GABRB3: variants seen among roughly 807,000 people sequenced by gnomAD.
GABRB3 encodes gamma-aminobutyric acid type A receptor subunit beta3.
Under a neutral mutation model 52.1 loss-of-function variants are expected in GABRB3, and 14 were observed. The ratio of observed to expected loss-of-function variants is 0.27; its 90% CI spans 0.18 to 0.42. The LOEUF is 0.42. Ranked by LOEUF, GABRB3 falls within the 10% of genes least tolerant of loss-of-function variation. GABRB3 has a pLI of 1.00. For missense variants in GABRB3, 307 were observed against 609.1 expected (o/e 0.50, Z 5.22); for synonymous variants, 260 against 232.3 (o/e 1.12, Z -1.08).
chr15:26,566,741 G>T (rs541337920), intron 7 of GABRB3, among the ~76,000 whole-genome samples: 1 of 152,028 alleles, frequency 6.6e-6, no homozygotes, highest in South Asian at 2.1e-4. Flanking sequence ...CAAAAAAAAA[G>T]AACAGGAAAG....
chr15:26,694,935 C>A (rs1329997670), intron 3 of GABRB3, among the ~76,000 whole-genome samples: 1 of 152,018 alleles, frequency 6.6e-6, no homozygotes, highest in African/African-American at 2.4e-5. Context: ...TTGATGGGCC[C>A]ATCAGTAGAT....
At chr15:26,692,479 A>G (rs1452627045) in intron 3 of GABRB3, among the ~76,000 whole-genome samples, 2 of 152,214 alleles carry the variant, frequency 1.3e-5, no homozygotes, top group East Asian at 3.8e-4. Flanking sequence ...ACAATCAGTT[A>G]TAGTCCAAAA....
intron 3 of GABRB3, among the ~76,000 whole-genome samples, chr15:26,741,045 A>AGTGTGT (rs55860555): frequency 0.19 from 10,213 of 55,128 alleles, 469 homozygotes; most frequent in East Asian, 0.41. Context: ...GGGAGGAATA[A>AGTGTGT]GTGTGTGTGT....
intron 3 of GABRB3, among the ~76,000 whole-genome samples, chr15:26,634,805 A>T (rs951336089): frequency 6.6e-6 from 1 of 150,744 alleles, no homozygotes; most frequent in Non-Finnish European, 1.5e-5. Context: ...TCTGAACAAT[A>T]CTCACTAAAT....
chr15:26,772,191 C>T (rs1891166117), intron 3 of GABRB3: 1 of 477,582 alleles, frequency 2.1e-6, no homozygotes, highest in Non-Finnish European at 3.6e-6. Flanking sequence ...TGCGCCCTCG[C>T]GGCTCCGACG....
chr15:26,573,331 T>C (rs1465236307), intron 6 of GABRB3, among the ~76,000 whole-genome samples: 2 of 152,220 alleles, frequency 1.3e-5, no homozygotes, highest in Admixed American at 1.3e-4. Context: ...AGTCATCTTA[T>C]TATGTGTTGA....
chr15:26,625,729 G>C (rs1892665842), intron 3 of GABRB3, among the ~76,000 whole-genome samples: 1 of 152,098 alleles, frequency 6.6e-6, no homozygotes, highest in African/African-American at 2.4e-5. Context: ...GCTTCTCAAA[G>C]AACAGCCAAG....
chr15:26,618,203 G>T (rs1158848864), intron 4 of GABRB3, among the ~76,000 whole-genome samples: 1 of 151,906 alleles, frequency 6.6e-6, no homozygotes, highest in Non-Finnish European at 1.5e-5. Flanking sequence ...AGCCCACATC[G>T]CCAAGTCAAT....
intron 4 of GABRB3, among the ~76,000 whole-genome samples, chr15:26,605,304 C>T (rs1360787029): frequency 6.6e-6 from 1 of 152,152 alleles, no homozygotes; most frequent in South Asian, 2.1e-4. Flanking sequence ...ACCTCGAATA[C>T]TATTGGTGGG....
At chr15:26,658,082 A>G (rs1426512992) in intron 3 of GABRB3, among the ~76,000 whole-genome samples, 1 of 152,146 alleles carries the variant, frequency 6.6e-6, no homozygotes, top group Non-Finnish European at 1.5e-5. Context: ...TGTTTGTGGT[A>G]TTTTTCAGAC....
intron 6 of GABRB3, among the ~76,000 whole-genome samples, chr15:26,574,733 T>C (rs527598554): frequency 1.1e-4 from 16 of 148,334 alleles, no homozygotes; most frequent in Non-Finnish European, 2.2e-4. Flanking sequence ...TGTCTAGGGT[T>C]GGGAGAAATG....
chr15:26,652,341 G>A (rs1274492671), intron 3 of GABRB3, among the ~76,000 whole-genome samples: 1 of 152,072 alleles, frequency 6.6e-6, no homozygotes, highest in Non-Finnish European at 1.5e-5. Context: ...GTAACTTAAC[G>A]GCCTCAGGAG....
intron 3 of GABRB3, among the ~76,000 whole-genome samples, chr15:26,657,993 G>A (rs1887426512): frequency 6.6e-6 from 1 of 152,192 alleles, no homozygotes; most frequent in Non-Finnish European, 1.5e-5. Context: ...AGGGAGTCAT[G>A]CAGCCAGAGG....
intron 4 of GABRB3, among the ~76,000 whole-genome samples, chr15:26,607,819 A>G (rs1258448192): frequency 6.6e-6 from 1 of 152,092 alleles, no homozygotes; most frequent in Non-Finnish European, 1.5e-5. Flanking sequence ...ATTCACAAAA[A>G]TAAATAAAAA....
upstream of GABRB3, among the ~76,000 whole-genome samples, chr15:26,773,340 C>G (rs1324730353): frequency 1.3e-5 from 2 of 150,696 alleles, no homozygotes; most frequent in African/African-American, 2.4e-5. Context: ...CGACCTGGGC[C>G]GGACGCTGCG....
At chr15:26,592,061 G>A (rs1820686548) in intron 4 of GABRB3, among the ~76,000 whole-genome samples, 5 of 152,112 alleles carry the variant, frequency 3.3e-5, no homozygotes, top group South Asian at 2.1e-4. Context: ...GAATGTAGTT[G>A]GGGGGATATG....
intron 3 of GABRB3, among the ~76,000 whole-genome samples, chr15:26,623,515 G>A (rs1892566876): frequency 6.7e-6 from 1 of 149,946 alleles, no homozygotes; most frequent in Admixed American, 6.7e-5. Flanking sequence ...AACCAGTCCA[G>A]AACCCACACC....
At chr15:26,769,684 C>G (rs1200908601) in intron 3 of GABRB3, among the ~76,000 whole-genome samples, 1 of 152,146 alleles carries the variant, frequency 6.6e-6, no homozygotes, top group Non-Finnish European at 1.5e-5. Flanking sequence ...ATACCCCTCA[C>G]ACAATTTAAA....
chr15:26,570,569 C>A (rs1890357707), intron 6 of GABRB3, among the ~76,000 whole-genome samples: 1 of 152,176 alleles, frequency 6.6e-6, no homozygotes, highest in African/African-American at 2.4e-5. Context: ...CATCTTTTCC[C>A]AAATTAACTT....
Sources: allele counts gnomAD v4.1 joint callset (sites outside exome capture counted in the v4.1 genomes callset), GRCh38; gene constraint gnomAD v4.1.1; transcripts MANE v1.5; gene names NCBI Gene and HGNC (gene_info 2026-07-23, HGNC 2026-07-21).